The following AFF3 variants were observed in gnomAD, a reference collection of about 807,000 sequenced individuals.
AFF3 encodes the protein ALF transcription elongation factor 3, also known as AF4/FMR2 family member 3.
AFF3 carries 32 observed loss-of-function variants against 129.7 expected under a neutral mutation model. That is an observed-to-expected ratio of 0.25 (90% CI 0.19 to 0.33). The LOEUF (loss-of-function observed/expected upper bound fraction) is 0.33, where lower values mean the gene tolerates loss of function less well. AFF3 is among the 10% of genes least tolerant of loss of function. The pLI is 1.00. For missense variants in AFF3, 1,373 were observed against 1,592.0 expected (o/e 0.86, Z 2.34); for synonymous variants, 644 against 635.4 (o/e 1.01, Z -0.20).
chr2:99,839,860 T>C lies in AFF3; in HGVS notation c.874-2336A>G, dbSNP rs191246657. Reference sequence around the variant, plus strand: ...CTCCTGACCTTGTGATCTGTCCGCCTCAGCCTCCCAAAGTGCTGGGATTAC... The same window carrying C: ...CTCCTGACCTTGTGATCTGTCCGCCCCAGCCTCCCAAAGTGCTGGGATTAC... On this transcript the variant is annotated intron_variant, in intron 7 of 24. Coordinates refer to ENST00000672756, the MANE Select transcript of AFF3 (RefSeq NM_001386135.1). Among the ~76,000 whole-genome samples the C allele has an allele frequency of 5.8e-4, 88 of 152,258 alleles. 2 individuals carry two copies. In the East Asian group the frequency reaches 0.014, roughly 24 times the overall value.
chr2:99,726,777 G>A (rs1002120216), intron 11 of AFF3, among the ~76,000 whole-genome samples: 1 of 152,172 alleles, frequency 6.6e-6, no homozygotes, highest in Non-Finnish European at 1.5e-5. Context: ...GAAAAGTTCT[G>A]CAATTCTTAA....
At chr2:100,138,155 T>C (rs566778622) in intron 1 of AFF3, among the ~76,000 whole-genome samples, 2 of 152,310 alleles carry the variant, frequency 1.3e-5, no homozygotes, top group East Asian at 3.9e-4. Context: ...CCCTTCCTGT[T>C]ACCACCGCAG....
chr2:100,032,351 C>T (rs551052003), intron 4 of AFF3, among the ~76,000 whole-genome samples: 11 of 152,144 alleles, frequency 7.2e-5, no homozygotes, highest in Non-Finnish European at 1.6e-4. Context: ...ATCACTTGAA[C>T]CCAGGAGGCG....
intron 7 of AFF3, among the ~76,000 whole-genome samples, chr2:99,846,434 AT>A (rs1330983605): frequency 2.0e-5 from 3 of 152,196 alleles, no homozygotes; most frequent in African/African-American, 7.2e-5. Context: ...CTGGCCGAAC[AT>A]TTTCCTGAAT....
chr2:99,923,696 A>G (rs1004790508), intron 7 of AFF3, among the ~76,000 whole-genome samples: 9 of 152,138 alleles, frequency 5.9e-5, no homozygotes, highest in African/African-American at 2.2e-4. Flanking sequence ...ATTTTTCTTT[A>G]AGAAAAAAAT....
At chr2:99,792,128 T>C (rs1685238622) in intron 8 of AFF3, among the ~76,000 whole-genome samples, 1 of 152,120 alleles carries the variant, frequency 6.6e-6, no homozygotes. Flanking sequence ...TTTCCCTAGG[T>C]TCAGTATTTG....
At chr2:99,686,143 T>C (rs1217957825) in intron 11 of AFF3, among the ~76,000 whole-genome samples, 3 of 152,038 alleles carry the variant, frequency 2.0e-5, no homozygotes, top group Non-Finnish European at 2.9e-5. Flanking sequence ...TGAGCCGAGA[T>C]TGCGCCACTG....
intron 12 of AFF3, among the ~76,000 whole-genome samples, chr2:99,661,943 C>T (rs6709165): frequency 0.57 from 86,208 of 151,912 alleles, 24,962 homozygotes; most frequent in African/African-American, 0.69. Context: ...AGTTTGAGAC[C>T]ATCCTGGCCA....
chr2:99,686,837 T>C (rs1675110298), intron 11 of AFF3, among the ~76,000 whole-genome samples: 1 of 152,220 alleles, frequency 6.6e-6, no homozygotes, highest in African/African-American at 2.4e-5. Flanking sequence ...CCAGGCAGCA[T>C]GGTCCCTAAA....
chr2:99,767,075 CCAAT>C (rs1683079697), intron 8 of AFF3, among the ~76,000 whole-genome samples: 1 of 152,260 alleles, frequency 6.6e-6, no homozygotes, highest in Admixed American at 6.5e-5. Flanking sequence ...CTTAATAGAG[CCAAT>C]CAGTTCAGTT....
Position 100,129,256 on chromosome 2 carries a change from C to T in AFF3, c.-177G>A, listed in dbSNP as rs72819180. ...CCAGTTACTCCGGATTGATGCTTCC[C>T]GATGTAAACAATGGCTGATCGTAAG... On this transcript the variant is annotated 5_prime_UTR_variant, in exon 2 of 25. Coordinates refer to ENST00000672756, the MANE Select transcript of AFF3 (RefSeq NM_001386135.1). 0.11 allele frequency: 17,402 copies of T among 152,092 alleles called. 1,215 individuals carry two copies. Among genetic ancestry groups the T allele is most frequent in the Non-Finnish European group, 0.14 (9,510 of 67,998 alleles). The allele number at this position is 152,092 out of a possible 1,614,324, so 9.4% of individuals were successfully genotyped here.
chr2:99,913,325 G>A (rs1010404160), intron 7 of AFF3, among the ~76,000 whole-genome samples: 1 of 152,136 alleles, frequency 6.6e-6, no homozygotes, highest in African/African-American at 2.4e-5. Context: ...TGGATAGTGG[G>A]AACAAGTTTT....
chr2:100,013,854 A>T (rs1354544784), intron 4 of AFF3, among the ~76,000 whole-genome samples: 2 of 152,200 alleles, frequency 1.3e-5, no homozygotes, highest in Non-Finnish European at 2.9e-5. Flanking sequence ...AGAGAAGTGA[A>T]TAAAAAAATA....
intron 8 of AFF3, among the ~76,000 whole-genome samples, chr2:99,786,264 G>C (rs1162445087): frequency 7.9e-5 from 12 of 152,124 alleles, no homozygotes; most frequent in Non-Finnish European, 5.9e-5. Flanking sequence ...TGTAAATGGG[G>C]ACTGGAGATT....
intron 8 of AFF3, among the ~76,000 whole-genome samples, chr2:99,783,712 G>C (rs1684572030): frequency 6.6e-6 from 1 of 152,228 alleles, no homozygotes; most frequent in Admixed American, 6.5e-5. Flanking sequence ...TGTGGAAGCT[G>C]TCATTTGCAG....
intron 7 of AFF3, among the ~76,000 whole-genome samples, chr2:99,887,693 C>A (rs929540915): frequency 6.6e-6 from 1 of 152,146 alleles, no homozygotes; most frequent in Non-Finnish European, 1.5e-5. Context: ...TTTATTATTG[C>A]TATACTTATC....
intron 13 of AFF3, among the ~76,000 whole-genome samples, chr2:99,626,716 T>C (rs1048356673): frequency 3.9e-5 from 6 of 152,154 alleles, no homozygotes; most frequent in Non-Finnish European, 8.8e-5. Context: ...TTTCTGACTA[T>C]CTCCCTCCTC....
rs1370480453 is a variant in AFF3 at position 99,551,486 on chromosome 2, G to A, written c.3669C>T (p.Ala1223=). ...QQGLHWLRNS[A]HLS is the part of the protein sequence containing the mutation. ...CAGGGTGAGGTCCCTATGACAGGTG[G>A]GCGCTGTTCCGCAGCCAGTGCAGGC... Residue 1223 remains alanine (A), a synonymous_variant, in exon 25 of 25, where the codon GCC becomes GCT. Coordinates refer to ENST00000672756, the MANE Select transcript of AFF3 (RefSeq NM_001386135.1). 1 of 1,613,976 alleles carries A rather than the reference G, an allele frequency of 6.2e-7. No homozygotes were observed. Among genetic ancestry groups the A allele is most frequent in the East Asian group, 2.2e-5 (1 of 44,882 alleles).
At chr2:99,687,170 T>C (rs540910135) in intron 11 of AFF3, among the ~76,000 whole-genome samples, 210 of 152,358 alleles carry the variant, frequency 1.4e-3, no homozygotes, top group African/African-American at 4.8e-3. Context: ...AGGAATGCAA[T>C]TTCCTATGTG....
Sources: allele counts gnomAD v4.1 joint callset (sites outside exome capture counted in the v4.1 genomes callset), GRCh38; gene constraint gnomAD v4.1.1; transcripts MANE v1.5; gene names NCBI Gene and HGNC (gene_info 2026-07-23, HGNC 2026-07-21).